Variants in TMEM217B observed in about 807,000 individuals in gnomAD.
TMEM217B encodes putative transmembrane protein 217B.
chr6:37,219,065 G>A, the TMEM217B span: 91 of 1,578,908 alleles, frequency 5.8e-5, no homozygotes, highest in Non-Finnish European at 7.6e-5. Context: ...CAACATGAGG[G>A]AGAATTCTAG....
At chr6:37,215,458 TGGGA>T in the TMEM217B span, among the ~76,000 whole-genome samples, 1 of 149,740 alleles carries the variant, frequency 6.7e-6, no homozygotes, top group Non-Finnish European at 1.5e-5. Context: ...GCCAACTACC[TGGGA>T]GGCTGAGGCA....
chr6:37,252,747 C>T, the TMEM217B span, among the ~76,000 whole-genome samples: 4 of 150,704 alleles, frequency 2.7e-5, no homozygotes. Flanking sequence ...TCAAGTGATC[C>T]TCCCACCTCA....
the TMEM217B span, among the ~76,000 whole-genome samples, chr6:37,222,332 T>C: frequency 6.6e-6 from 1 of 152,238 alleles, no homozygotes; most frequent in Non-Finnish European, 1.5e-5. Context: ...CCCCCAGGGC[T>C]CGACCCCAAC....
the TMEM217B span, among the ~76,000 whole-genome samples, chr6:37,224,099 G>A: frequency 1.3e-5 from 2 of 151,188 alleles, no homozygotes; most frequent in African/African-American, 4.9e-5. Context: ...ACCATGCCTG[G>A]CTCATTTTTT....
chr6:37,239,305 A>G, the TMEM217B span, among the ~76,000 whole-genome samples: 5 of 151,914 alleles, frequency 3.3e-5, no homozygotes, highest in African/African-American at 1.2e-4. Flanking sequence ...CCTGGGCAAG[A>G]TGGCAAAAAC....
At chr6:37,229,435 C>G in the TMEM217B span, among the ~76,000 whole-genome samples, 2 of 150,768 alleles carry the variant, frequency 1.3e-5, no homozygotes, top group African/African-American at 4.9e-5. Context: ...CTCCGCCTCC[C>G]GGGTTCACTC....
chr6:37,257,150 T>C, the TMEM217B span, among the ~76,000 whole-genome samples: 1 of 152,172 alleles, frequency 6.6e-6, no homozygotes, highest in East Asian at 1.9e-4. Flanking sequence ...GTTAGCATAG[T>C]CAGAAAGTGA....
chr6:37,229,354 T>TTTTTC, the TMEM217B span, among the ~76,000 whole-genome samples: 1 of 140,844 alleles, frequency 7.1e-6, no homozygotes, highest in Non-Finnish European at 1.5e-5. Context: ...TTTTTTTTTT[T>TTTTTC]TTTTTTGAGA....
chr6:37,236,467 AG>A, the TMEM217B span, among the ~76,000 whole-genome samples: 1 of 152,068 alleles, frequency 6.6e-6, no homozygotes, highest in East Asian at 1.9e-4. Flanking sequence ...TAAGCTAATT[AG>A]TTGTGTTCTG....
chr6:37,245,695 CAGG>C, the TMEM217B span, among the ~76,000 whole-genome samples: 9 of 151,464 alleles, frequency 5.9e-5, no homozygotes, highest in Admixed American at 6.6e-5. Context: ...AGAGGAGGAG[CAGG>C]AGGAGGAGGA....
the TMEM217B span, among the ~76,000 whole-genome samples, chr6:37,232,543 A>G: frequency 6.7e-6 from 1 of 149,870 alleles, no homozygotes; most frequent in African/African-American, 2.5e-5. Flanking sequence ...AATGGTCACC[A>G]GTTTAACTGG....
the TMEM217B span, among the ~76,000 whole-genome samples, chr6:37,245,453 G>A: frequency 2.6e-5 from 4 of 152,234 alleles, no homozygotes; most frequent in African/African-American, 7.2e-5. Context: ...AACTCCTCCC[G>A]ATTCGAAGTC....
the TMEM217B span, among the ~76,000 whole-genome samples, chr6:37,240,830 A>C: frequency 6.6e-6 from 1 of 152,134 alleles, no homozygotes; most frequent in Non-Finnish European, 1.5e-5. Context: ...ATATGTACCT[A>C]TCTGTTTTAG....
chr6:37,235,546 T>G, the TMEM217B span, among the ~76,000 whole-genome samples: 1 of 151,628 alleles, frequency 6.6e-6, no homozygotes, highest in African/African-American at 2.4e-5. Context: ...TTTCTATTTT[T>G]TAGTAGAGAT....
chr6:37,233,485 A>T, the TMEM217B span, among the ~76,000 whole-genome samples: 1 of 152,126 alleles, frequency 6.6e-6, no homozygotes, highest in South Asian at 2.1e-4. Context: ...GCATGCTCAC[A>T]TGGGAGAAGG....
chr6:37,245,369 T>C, the TMEM217B span, among the ~76,000 whole-genome samples: 2 of 152,246 alleles, frequency 1.3e-5, no homozygotes, highest in Non-Finnish European at 2.9e-5. Context: ...TCTCCCAAAC[T>C]GGGGGTTGCT....
the TMEM217B span, among the ~76,000 whole-genome samples, chr6:37,216,295 T>C: frequency 3.6e-3 from 542 of 152,150 alleles, 3 homozygotes; most frequent in African/African-American, 0.01. Flanking sequence ...GCCAGGCTGG[T>C]CTTGAACTCC....
At chr6:37,257,411 G>A in the TMEM217B span, among the ~76,000 whole-genome samples, 1 of 152,160 alleles carries the variant, frequency 6.6e-6, no homozygotes, top group Non-Finnish European at 1.5e-5. Flanking sequence ...GTTAAAAATG[G>A]GCCACAACCA....
At chr6:37,252,342 C>T in the TMEM217B span, among the ~76,000 whole-genome samples, 1 of 151,992 alleles carries the variant, frequency 6.6e-6, no homozygotes, top group Non-Finnish European at 1.5e-5. Flanking sequence ...GTTGTTTTCA[C>T]ACTACAATGG....
Sources: gnomAD v4.1 joint callset for allele counts (sites outside exome capture counted in the v4.1 genomes callset) on GRCh38, gnomAD v4.1.1 for gene constraint, MANE v1.5 for transcripts, NCBI Gene and HGNC (gene_info 2026-07-23, HGNC 2026-07-21) for gene names.